The following NFAT5 variants were observed in gnomAD, a reference collection of about 807,000 sequenced individuals.
The protein encoded by NFAT5 is nuclear factor of activated T-cells 5.
NFAT5 carries 31 observed loss-of-function variants against 166.5 expected under a neutral mutation model. That is an observed-to-expected ratio of 0.19 (90% CI 0.14 to 0.25). The LOEUF (loss-of-function observed/expected upper bound fraction) is 0.25. Among genes scored for constraint, NFAT5 ranks in the 10% least tolerant of loss-of-function variants. The pLI, the probability that NFAT5 is intolerant of heterozygous loss-of-function variation, is 1.00. For missense variants in NFAT5, 1,449 were observed against 1,821.8 expected (o/e 0.80, Z 3.72); for synonymous variants, 612 against 639.7 (o/e 0.96, Z 0.65).
chr16:69,615,833 C>A (rs1456454315), intron 2 of NFAT5, among the ~76,000 whole-genome samples: 1 of 152,124 alleles, frequency 6.6e-6, no homozygotes, highest in Non-Finnish European at 1.5e-5. Flanking sequence ...CTTTCTGACA[C>A]ATTAATACCC....
At chr16:69,629,395 T>C (rs958921355) in intron 3 of NFAT5, among the ~76,000 whole-genome samples, 1 of 152,192 alleles carries the variant, frequency 6.6e-6, no homozygotes, top group Non-Finnish European at 1.5e-5. Flanking sequence ...ATGCTGCTAA[T>C]CCACAATCCA....
At chr16:69,637,231 C>T (rs772038297) in intron 3 of NFAT5, among the ~76,000 whole-genome samples, 2 of 152,172 alleles carry the variant, frequency 1.3e-5, no homozygotes, top group Admixed American at 6.5e-5. Context: ...TTGTCCATAT[C>T]GCTATCAGCA....
rs2151726711 is a variant in NFAT5, at chr16:69,695,392, T to C, written c.*8+13T>C. On this transcript the variant is annotated intron_variant, in intron 14 of 14. Transcript: ENST00000349945. ...TTTAACTGGATATGTAAGTATTGCA[T>C]TTTGGCTTCTTATTGAAAAGCATCA... 6.4e-7 allele frequency: 1 copy of C among 1,564,358 alleles called. No homozygotes were observed. Among genetic ancestry groups the C allele is most frequent in the Non-Finnish European group, 8.8e-7 (1 of 1,136,018 alleles).
intron 5 of NFAT5, among the ~76,000 whole-genome samples, chr16:69,653,992 C>T (rs1276895821): frequency 6.6e-6 from 1 of 151,532 alleles, no homozygotes; most frequent in African/African-American, 2.4e-5. Flanking sequence ...TTTGCATCCA[C>T]TCAAGTACAG....
At chr16:69,670,170 T>G in intron 8 of NFAT5, 59 bp downstream of exon 8, 1 of 1,583,200 alleles carries the variant, frequency 6.3e-7, no homozygotes, top group East Asian at 2.3e-5. Context: ...TATATGGATA[T>G]AGTCATAGCT....
At chr16:69,599,218 A>AC (rs1383680920) in intron 2 of NFAT5, among the ~76,000 whole-genome samples, 2 of 101,996 alleles carry the variant, frequency 2.0e-5, no homozygotes, top group East Asian at 1.2e-3. Context: ...GGCCTATACT[A>AC]AAAACACTGA....
intron 2 of NFAT5, among the ~76,000 whole-genome samples, chr16:69,601,010 T>C (rs1436424937): frequency 1.3e-5 from 2 of 152,202 alleles, no homozygotes; most frequent in Non-Finnish European, 2.9e-5. Flanking sequence ...TTCCTTGAAA[T>C]GGCCCCCATT....
At chr16:69,653,517 G>T in intron 5 of NFAT5, 89 bp downstream of exon 5, 1 of 761,742 alleles carries the variant, frequency 1.3e-6, no homozygotes, top group South Asian at 3.0e-5. Context: ...TTCAAATCAT[G>T]AATTTTCTTC....
At chr16:69,653,464 A>T (rs1355812249) in intron 5 of NFAT5, 36 bp downstream of exon 5, 11 of 1,292,398 alleles carry the variant, frequency 8.5e-6, no homozygotes, top group Non-Finnish European at 1.1e-5. Context: ...TTTTAGTTAA[A>T]ATGTAAAGGG....
intron 2 of NFAT5, among the ~76,000 whole-genome samples, chr16:69,612,519 C>T (rs1398518945): frequency 2.0e-5 from 3 of 151,998 alleles, no homozygotes; most frequent in Non-Finnish European, 4.4e-5. Flanking sequence ...TTATTTCTTA[C>T]GTGTATTTTT....
chr16:69,688,068 C>T (rs1161533461), intron 11 of NFAT5, among the ~76,000 whole-genome samples: 52 of 150,640 alleles, frequency 3.5e-4, no homozygotes, highest in Non-Finnish European at 1.0e-4. Context: ...CGGTGGCGGG[C>T]GCCTGTAGTC....
intron 9 of NFAT5, 21 bp downstream of exon 9, chr16:69,670,309 A>G: frequency 2.1e-6 from 3 of 1,446,962 alleles, no homozygotes; most frequent in East Asian, 4.8e-5. Flanking sequence ...AGCTTTTTTT[A>G]TAATTTGGTT....
intron 3 of NFAT5, among the ~76,000 whole-genome samples, chr16:69,635,074 G>T (rs142411812): frequency 0.012 from 1,593 of 132,782 alleles, 23 homozygotes; most frequent in African/African-American, 0.041. Flanking sequence ...GCAATGGTGC[G>T]ATCTCAGCTC....
intron 2 of NFAT5, among the ~76,000 whole-genome samples, chr16:69,572,990 G>A (rs1438907002): frequency 1.3e-5 from 2 of 152,010 alleles, no homozygotes; most frequent in Non-Finnish European, 2.9e-5. Flanking sequence ...CTACAGGCGC[G>A]TGCCACCACA....
intron 9 of NFAT5, among the ~76,000 whole-genome samples, chr16:69,676,199 A>C (rs1016690350): frequency 2.2e-4 from 34 of 152,102 alleles, no homozygotes; most frequent in Non-Finnish European, 4.7e-4. Context: ...GATATCCCCT[A>C]CCATTATAAT....
chr16:69,605,858 C>T (rs560693581), intron 2 of NFAT5, among the ~76,000 whole-genome samples: 4 of 152,136 alleles, frequency 2.6e-5, no homozygotes, highest in African/African-American at 7.2e-5. Context: ...GGACTACAGG[C>T]GCCCGCCACT....
intron 2 of NFAT5, among the ~76,000 whole-genome samples, chr16:69,596,467 C>T (rs2151533561): frequency 6.6e-6 from 1 of 152,298 alleles, no homozygotes; most frequent in Non-Finnish European, 1.5e-5. Context: ...CGCCTGTAAT[C>T]CCAGCACTTT....
intron 2 of NFAT5, among the ~76,000 whole-genome samples, chr16:69,574,386 G>A (rs116656694): frequency 0.012 from 1,758 of 152,066 alleles, 25 homozygotes; most frequent in African/African-American, 0.037. Flanking sequence ...TTCAAGTTAC[G>A]CAAAGAAGGT....
At chr16:69,679,161 C>T (rs1258463081) in intron 10 of NFAT5, among the ~76,000 whole-genome samples, 7 of 152,084 alleles carry the variant, frequency 4.6e-5, no homozygotes, top group Non-Finnish European at 1.0e-4. Context: ...AAACTCCTGA[C>T]CTCAGGTGAT....
Sources: allele counts gnomAD v4.1 joint callset (sites outside exome capture counted in the v4.1 genomes callset), GRCh38; gene constraint gnomAD v4.1.1; transcripts MANE v1.5; gene names NCBI Gene and HGNC (gene_info 2026-07-23, HGNC 2026-07-21).